The following SNTG1 variants were observed in gnomAD, a reference collection of about 807,000 sequenced individuals.
The protein encoded by SNTG1 is gamma-1-syntrophin.
Under a neutral mutation model 74.7 loss-of-function variants are expected in SNTG1, and 39 were observed. That is an observed-to-expected ratio of 0.52 (90% confidence interval 0.40 to 0.68). SNTG1 has a LOEUF of 0.68. Ranked by LOEUF, SNTG1 falls within the 30% of genes least tolerant of loss-of-function variation. The probability of loss-of-function intolerance (pLI) is 0.00; values close to 1 mark genes in which losing one functional copy is unlikely to be tolerated. For missense variants in SNTG1, 685 were observed against 609.5 expected (o/e 1.12, Z -1.30); for synonymous variants, 254 against 217.1 (o/e 1.17, Z -1.49).
chr8:50,287,165 G>A (rs1156690110), intron 2 of SNTG1, among the ~76,000 whole-genome samples: 1 of 151,932 alleles, frequency 6.6e-6, no homozygotes, highest in Non-Finnish European at 1.5e-5. Context: ...CTCTCCCTGA[G>A]CTATTACGTC....
intron 13 of SNTG1, among the ~76,000 whole-genome samples, chr8:50,626,368 C>T (rs115052211): frequency 0.043 from 6,542 of 152,122 alleles, 242 homozygotes; most frequent in African/African-American, 0.094. Flanking sequence ...TGGACTGTCC[C>T]AAGACCAGCT....
At chr8:50,791,701 G>A (rs1563842980) in intron 18 of SNTG1, among the ~76,000 whole-genome samples, 2 of 151,580 alleles carry the variant, frequency 1.3e-5, no homozygotes, top group South Asian at 2.1e-4. Context: ...TAATAAAATA[G>A]CAATGAGTTT....
At chr8:50,439,900 T>A (rs2093342843) in intron 5 of SNTG1, among the ~76,000 whole-genome samples, 1 of 151,644 alleles carries the variant, frequency 6.6e-6, no homozygotes, top group Admixed American at 6.6e-5. Flanking sequence ...TTCCATTAAT[T>A]TTGTGTCACC....
At chr8:50,501,939 T>C (rs774636626) in intron 8 of SNTG1, among the ~76,000 whole-genome samples, 41 of 152,198 alleles carry the variant, frequency 2.7e-4, no homozygotes, top group Non-Finnish European at 5.4e-4. Flanking sequence ...ATAAACATAT[T>C]AATATCTTTT....
chr8:50,220,501 C>A (rs1299394017), intron 2 of SNTG1, among the ~76,000 whole-genome samples: 1 of 152,124 alleles, frequency 6.6e-6, no homozygotes. Flanking sequence ...GTCTGCCCAT[C>A]CAGATATATT....
intron 2 of SNTG1, among the ~76,000 whole-genome samples, chr8:50,207,490 A>T (rs2084303116): frequency 6.6e-6 from 1 of 151,466 alleles, no homozygotes; most frequent in African/African-American, 2.4e-5. Flanking sequence ...TGGTTTATCG[A>T]TGTTCTTGAT....
chr8:50,206,549 A>G (rs1167760731), intron 2 of SNTG1, among the ~76,000 whole-genome samples: 1 of 152,088 alleles, frequency 6.6e-6, no homozygotes, highest in Non-Finnish European at 1.5e-5. Context: ...CTAACTGAAT[A>G]CCCTTTATTT....
Position 49,932,905 on chromosome 8 carries a change from C to T in SNTG1, c.-103+20674C>T, listed in dbSNP as rs184701430. ...TATGTGATTGACTTCTTTCACTTGGCATACTGTTGCCAAGGTTCATCCATA... is the reference window on the plus strand; with the variant it reads ...TATGTGATTGACTTCTTTCACTTGGTATACTGTTGCCAAGGTTCATCCATA... On this transcript the variant is annotated intron_variant, in intron 1 of 18. Coordinates refer to ENST00000642720, the MANE Select transcript of SNTG1 (RefSeq NM_018967.5). 1.1e-3 allele frequency among the ~76,000 whole-genome samples: 170 copies of T among 152,294 alleles called. 2 individuals are homozygous for T. Among genetic ancestry groups the T allele is most frequent in the African/African-American group, 3.7e-3 (153 of 41,578 alleles).
intron 4 of SNTG1, among the ~76,000 whole-genome samples, chr8:50,416,333 T>C (rs1445900847): frequency 9.2e-5 from 14 of 152,172 alleles, no homozygotes. Context: ...TCCTGCTTCA[T>C]TCCATTCTAA....
chr8:50,123,649 T>A (rs1054558366), intron 1 of SNTG1, among the ~76,000 whole-genome samples: 1 of 142,658 alleles, frequency 7.0e-6, no homozygotes, highest in South Asian at 2.6e-4. Flanking sequence ...CAGAATAAAA[T>A]CTGGTCTTCA....
chr8:50,673,085 T>C (rs1459982725), intron 15 of SNTG1, among the ~76,000 whole-genome samples: 1 of 152,202 alleles, frequency 6.6e-6, no homozygotes, highest in Non-Finnish European at 1.5e-5. Flanking sequence ...TGTAGCCTTG[T>C]AGTATAGTTT....
At chr8:50,201,153 T>C (rs927195435) in intron 2 of SNTG1, among the ~76,000 whole-genome samples, 3 of 152,204 alleles carry the variant, frequency 2.0e-5, no homozygotes, top group Non-Finnish European at 2.9e-5. Context: ...GGAGGTAACA[T>C]ACATCTTATA....
intron 18 of SNTG1, among the ~76,000 whole-genome samples, chr8:50,752,844 T>C (rs1229559027): frequency 6.6e-6 from 1 of 152,012 alleles, no homozygotes; most frequent in Non-Finnish European, 1.5e-5. Flanking sequence ...CTCCTTCTTT[T>C]AACAAGGTGA....
intron 1 of SNTG1, among the ~76,000 whole-genome samples, chr8:50,054,667 GTTC>G (rs1390793256): frequency 5.9e-5 from 9 of 151,932 alleles, no homozygotes; most frequent in Non-Finnish European, 1.3e-4. Flanking sequence ...TCCAGCCTCA[GTTC>G]TTATTATTTA....
At chr8:50,732,802 C>G (rs2095516119) in intron 17 of SNTG1, among the ~76,000 whole-genome samples, 1 of 151,902 alleles carries the variant, frequency 6.6e-6, no homozygotes, top group African/African-American at 2.4e-5. Flanking sequence ...AAAAAACAGT[C>G]TCTGTAATAT....
intron 5 of SNTG1, among the ~76,000 whole-genome samples, chr8:50,439,178 A>G (rs2093335184): frequency 6.6e-6 from 1 of 152,098 alleles, no homozygotes. Context: ...ACTATTAGAG[A>G]TGTACCATAT....
intron 2 of SNTG1, among the ~76,000 whole-genome samples, chr8:50,374,777 C>A (rs2092341953): frequency 6.6e-6 from 1 of 152,124 alleles, no homozygotes. Context: ...TTAGATGAAA[C>A]AAGGCATCTC....
chr8:50,467,287 C>G lies in SNTG1; in HGVS notation c.363+16558C>G, dbSNP rs1450530920. Among the ~76,000 whole-genome samples, 5 of 151,862 alleles carry G rather than the reference C, an allele frequency of 3.3e-5. 1 individual carries two copies. Among genetic ancestry groups the G allele is most frequent in the Non-Finnish European group, 7.4e-5 (5 of 67,794 alleles). ...TGTGATATAATTTACTAACGAAACT[C>G]TAGATTTCGTGCTTTCTTTTTGTAA... On this transcript the variant is annotated intron_variant, in intron 8 of 18. Coordinates refer to ENST00000642720, the MANE Select transcript of SNTG1 (RefSeq NM_018967.5).
chr8:50,157,755 G>A, intron 1 of SNTG1, among the ~76,000 whole-genome samples: 1 of 152,070 alleles, frequency 6.6e-6, no homozygotes, highest in East Asian at 1.9e-4. Context: ...AGCTTCTTGA[G>A]ATTGCTACTG....
Sources: gnomAD v4.1 joint callset for allele counts (sites outside exome capture counted in the v4.1 genomes callset) on GRCh38, gnomAD v4.1.1 for gene constraint, MANE v1.5 for transcripts, NCBI Gene and HGNC (gene_info 2026-07-23, HGNC 2026-07-21) for gene names.